KRT7: variants seen among roughly 807,000 people sequenced by gnomAD.
KRT7 encodes the protein keratin 7.
A neutral mutation model predicts 42.8 loss-of-function variants in KRT7; 50 were observed. The observed-to-expected ratio is 1.17, with a 90% CI of 0.93 to 1.48. The LOEUF (loss-of-function observed/expected upper bound fraction) is 1.48, where lower values mean the gene tolerates loss of function less well. Ranked by LOEUF, KRT7 falls within the 40% of genes most tolerant of loss-of-function variation. The pLI is 0.00. For missense variants in KRT7, 588 were observed against 637.6 expected, an observed-to-expected ratio of 0.92 and a Z score of 0.84; for synonymous variants, 268 against 266.3, an observed-to-expected ratio of 1.01 and a Z score of -0.06.
At position 52,233,350 on chromosome 12, in the gene KRT7, G is replaced by A. The variant is rs781432850; in HGVS notation, c.54G>A (p.Ser18=). The A allele has an allele frequency of 3.5e-5, 55 of 1,571,472 alleles. No homozygotes were observed. In the East Asian group the frequency reaches 1.4e-3, roughly 40 times the overall value. ...PVFTSRSAAF[S]GRGAQVRLSS... is the part of the protein sequence containing the mutation. Reference sequence around the variant, plus strand: ...TCACCTCGCGCTCAGCCGCCTTCTCGGGCCGCGGCGCCCAGGTGCGCCTGA... The same window carrying A: ...TCACCTCGCGCTCAGCCGCCTTCTCAGGCCGCGGCGCCCAGGTGCGCCTGA... Residue 18 remains serine (S), a synonymous_variant, in exon 1 of 9, where the codon TCG becomes TCA. Coordinates refer to ENST00000331817, the MANE Select transcript of KRT7 (RefSeq NM_005556.4).
intron 4 of KRT7, among the ~76,000 whole-genome samples, chr12:52,240,216 AAGTTT>A (rs764629832): frequency 7.2e-5 from 11 of 152,194 alleles, no homozygotes; most frequent in African/African-American, 1.4e-4. Context: ...TTCATGGTGA[AAGTTT>A]AGTTTATTTA....
chr12:52,247,874 A>G (rs1220827975), intron 7 of KRT7: 4 of 448,070 alleles, frequency 8.9e-6, no homozygotes, highest in Non-Finnish European at 1.6e-5. Flanking sequence ...TAGACAGATT[A>G]TGTCATTTAA....
intron 5 of KRT7, among the ~76,000 whole-genome samples, chr12:52,242,798 G>A (rs565675044): frequency 4.6e-5 from 7 of 152,246 alleles, no homozygotes; most frequent in African/African-American, 1.2e-4. Context: ...ATGGGACTGC[G>A]GAGCCTTGTC....
downstream of KRT7, chr12:52,252,044 A>G (rs1282061205): frequency 2.7e-6 from 2 of 730,672 alleles, no homozygotes; most frequent in Admixed American, 2.0e-5. Flanking sequence ...TACAGCACCA[A>G]CGCCCTCACA....
At chr12:52,254,053 A>G (rs1592402222), downstream of KRT7, among the ~76,000 whole-genome samples, 1 of 151,970 alleles carries the variant, frequency 6.6e-6, no homozygotes, top group Admixed American at 6.6e-5. Context: ...AGAGTTTACC[A>G]CCTTGTGGCA....
downstream of KRT7, among the ~76,000 whole-genome samples, chr12:52,252,701 G>T (rs1942284939): frequency 6.6e-6 from 1 of 152,228 alleles, no homozygotes; most frequent in Non-Finnish European, 1.5e-5. Flanking sequence ...AAGATCAGAG[G>T]ATCTGGCCAC....
chr12:52,241,663 C>T, intron 5 of KRT7, 27 bp downstream of exon 5: 1 of 1,574,130 alleles, frequency 6.4e-7, no homozygotes, highest in Non-Finnish European at 8.6e-7. Context: ...GGCGTATTTC[C>T]TCCTGCCAGG....
At chr12:52,255,637 G>T (rs180688526), downstream of KRT7, among the ~76,000 whole-genome samples, 4 of 152,230 alleles carry the variant, frequency 2.6e-5, no homozygotes, top group Admixed American at 2.6e-4. Context: ...TGTGGGTCAG[G>T]GTGGGGGCCC....
downstream of KRT7, among the ~76,000 whole-genome samples, chr12:52,255,799 T>A (rs1394658395): frequency 1.3e-5 from 2 of 152,110 alleles, no homozygotes; most frequent in Non-Finnish European, 2.9e-5. Flanking sequence ...CAACATTGAG[T>A]AGATGCTCAA....
chr12:52,238,850 G>A (rs1317602963), intron 4 of KRT7, 75 bp downstream of exon 4: 6 of 937,666 alleles, frequency 6.4e-6, no homozygotes, highest in East Asian at 2.4e-5. Flanking sequence ...CCAGCCCCCC[G>A]CCTCTGTGTC....
chr12:52,246,313 G>A (rs748637500), intron 7 of KRT7: 2 of 152,244 alleles, frequency 1.3e-5, no homozygotes, highest in Non-Finnish European at 2.9e-5. Flanking sequence ...AGACACCATG[G>A]CAACAGAGAA....
chr12:52,238,193 A>G (rs1942036738), intron 3 of KRT7, among the ~76,000 whole-genome samples: 1 of 152,142 alleles, frequency 6.6e-6, no homozygotes, highest in Admixed American at 6.5e-5. Flanking sequence ...AGGCTCAGAC[A>G]CCATCTTCAC....
In KRT7 at chr12:52,248,778, C is replaced by T. The variant is rs569528024; in HGVS notation, c.*18C>T. 3.3e-6 allele frequency: 5 copies of T among 1,525,804 alleles called. No individual in the cohort carries two copies. The East Asian group carries it at 1.2e-4, about 36-fold the overall frequency. The allele number at this position is 1,525,804 out of a possible 1,614,324, so 94.5% of individuals were successfully genotyped here. A position where few individuals can be genotyped will look rare whatever the true frequency, so the allele number is the denominator to read the frequency against. On this transcript the variant is annotated 3_prime_UTR_variant, in exon 9 of 9. Coordinates refer to ENST00000331817, the MANE Select transcript of KRT7 (RefSeq NM_005556.4). ...GCGACTGAGCCGCCTCCCACCACTC[C>T]ACTCCTCCAGCCACCACCCACAATC...
intron 6 of KRT7, chr12:52,245,178 G>A (rs899974224): frequency 3.0e-5 from 17 of 574,460 alleles, no homozygotes; most frequent in Non-Finnish European, 4.6e-5. Flanking sequence ...CTTTGGCTTA[G>A]CAGGGTTGAT....
downstream of KRT7, chr12:52,255,321 TA>T (rs1942321648): frequency 2.2e-6 from 1 of 456,644 alleles, no homozygotes; most frequent in African/African-American, 2.0e-5. Flanking sequence ...CATTCTGAGT[TA>T]GGGGACAAGG....
downstream of KRT7, among the ~76,000 whole-genome samples, chr12:52,252,738 G>A (rs1407265199): frequency 6.6e-6 from 1 of 152,230 alleles, no homozygotes; most frequent in Non-Finnish European, 1.5e-5. Context: ...TGCATGGCCT[G>A]CCTCAGTTGG....
chr12:52,250,241 G>C (rs1185248850), downstream of KRT7, among the ~76,000 whole-genome samples: 1 of 152,240 alleles, frequency 6.6e-6, no homozygotes, highest in African/African-American at 2.4e-5. Context: ...CAGTCCTTTA[G>C]ATTCGGGGGT....
chr12:52,250,738 C>A, downstream of KRT7: 1 of 448,040 alleles, frequency 2.2e-6, no homozygotes, highest in East Asian at 4.3e-5. Context: ...CCCCTCAAAC[C>A]CTCACATGGG....
At chr12:52,252,089 G>T (rs1942273639), downstream of KRT7, 1 of 874,302 alleles carries the variant, frequency 1.1e-6, no homozygotes, top group Non-Finnish European at 1.8e-6. Flanking sequence ...ACAGAAATTA[G>T]TTGTGGGGAG....
Sources: allele counts gnomAD v4.1 joint callset (sites outside exome capture counted in the v4.1 genomes callset), GRCh38; gene constraint gnomAD v4.1.1; transcripts MANE v1.5; gene names NCBI Gene and HGNC (gene_info 2026-07-23, HGNC 2026-07-21).